Variants in ZNF667 observed in about 807,000 individuals in gnomAD.
The protein encoded by ZNF667 is zinc finger protein 667, also known as myocardial ischemic preconditioning upregulated 1 ortholog.
In ZNF667, 13 loss-of-function variants were observed where a neutral mutation model predicts 31.8. The observed-to-expected ratio is 0.41, with a 90% CI of 0.27 to 0.65. The LOEUF is 0.65. Ranked by LOEUF, ZNF667 falls within the 30% of genes least tolerant of loss-of-function variation. ZNF667 has a pLI of 0.32. For missense variants in ZNF667, 642 were observed against 725.6 expected, an observed-to-expected ratio of 0.88 and a Z score of 1.32; for synonymous variants, 228 against 247.1, an observed-to-expected ratio of 0.92 and a Z score of 0.73.
chr19:56,446,545 C>A (rs1344424766), intron 6 of ZNF667, among the ~76,000 whole-genome samples: 1 of 152,174 alleles, frequency 6.6e-6, no homozygotes, highest in Non-Finnish European at 1.5e-5. Flanking sequence ...TGTTATGCCA[C>A]ACATAGTATA....
At chr19:56,476,472 A>T (rs2043409755) in intron 1 of ZNF667, among the ~76,000 whole-genome samples, 2 of 152,082 alleles carry the variant, frequency 1.3e-5, no homozygotes, top group Admixed American at 1.3e-4. Context: ...TCAAAGAAAA[A>T]CGACCACCAG....
In ZNF667 at chr19:56,462,345, T is replaced by C. The variant is rs2043062747; in HGVS notation, c.26A>G (p.Lys9Arg). ...AGAGGAATTGCCACTTACCTTGGAT[T>C]TGGATTTCCCCCGTGCAGAAGGCAT... is the stretch of plus-strand genomic sequence containing the variant. MPSARGKS[K>R]SKAPITFGDL... The change falls in exon 4 of 7, where the codon AAA becomes AGA. Residue 9 changes from lysine to arginine, a missense_variant. Transcript: ENST00000504904. The C allele has an allele frequency of 6.2e-7, 1 of 1,614,170 alleles. No individual in the cohort carries two copies. Among genetic ancestry groups the C allele is most frequent in the Admixed American group, 1.7e-5 (1 of 60,028 alleles).
rs2042595893 is a variant in ZNF667, at chr19:56,441,321, A to G, written c.1674T>C (p.Asn558=). The G allele has an allele frequency of 6.2e-7, 1 of 1,614,126 alleles. No homozygotes were observed. The highest frequency in any genetic ancestry group is 8.5e-7 in the Non-Finnish European group (1 of 1,180,016). Residue 558 remains asparagine, a synonymous_variant, in exon 7 of 7, where the codon AAT becomes AAC. Coordinates refer to ENST00000504904, the MANE Select transcript of ZNF667 (RefSeq NM_001321356.2). This position sits in a 1 kb window ranked among gnomAD's most constrained non-coding sequence, Gnocchi z 4.2. The stretch of plus-strand genomic sequence containing the variant: ...CACTGCTAAATGCCTTCCCACATTC[A>G]TTACATTCATAGGGTTTCTCTCCAG... ...SHTGEKPYEC[N]ECGKAFSSGS...
intron 6 of ZNF667, among the ~76,000 whole-genome samples, chr19:56,443,151 CA>C (rs2042652766): frequency 6.6e-6 from 1 of 152,038 alleles, no homozygotes; most frequent in African/African-American, 2.4e-5. Context: ...AAGAATCTTA[CA>C]GGGGTGATAA....
Position 56,442,746 on chromosome 19 carries a change from A to G in ZNF667, c.254-5T>C, listed in dbSNP as rs745700292. 1 of 1,546,316 alleles carries G rather than the reference A, an allele frequency of 6.5e-7. No homozygotes were observed. On this transcript the variant is annotated splice_region_variant and splice_polypyrimidine_tract_variant and intron_variant, in intron 6 of 6. Coordinates refer to ENST00000504904, the MANE Select transcript of ZNF667 (RefSeq NM_001321356.2). ...TCTCACATTTAGACCCCGAGTCTGA[A>G]AGACATAAAGGAATTAAATGTTTCT...
chr19:56,470,058 GT>G (rs1409551578), intron 3 of ZNF667: 1 of 456,792 alleles, frequency 2.2e-6, no homozygotes, highest in Non-Finnish European at 4.4e-6. Flanking sequence ...GTTCTCATGT[GT>G]GCAGCTGTGT....
chr19:56,455,225 G>A (rs1260595236), intron 6 of ZNF667, among the ~76,000 whole-genome samples: 2 of 152,178 alleles, frequency 1.3e-5, no homozygotes, highest in Non-Finnish European at 2.9e-5. Context: ...CTGTGGGAAT[G>A]TAAATTAGTA....
intron 6 of ZNF667, chr19:56,449,202 A>C (rs1029705333): frequency 1.0e-5 from 4 of 385,860 alleles, no homozygotes; most frequent in African/African-American, 2.1e-5. Flanking sequence ...TAGTACAAAC[A>C]AGCCCAGACT....
chr19:56,465,819 G>A (rs2043147232), intron 3 of ZNF667, among the ~76,000 whole-genome samples: 1 of 152,080 alleles, frequency 6.6e-6, no homozygotes, highest in South Asian at 2.1e-4. Flanking sequence ...GTCAGCCCCA[G>A]GCTGGCGTCT....
At position 56,441,239 on chromosome 19, in the gene ZNF667, T is replaced by C; in HGVS notation, c.1756A>G (p.Ser586Gly). The C allele has an allele frequency of 6.2e-7, 1 of 1,614,142 alleles. No individual in the cohort carries two copies. Among genetic ancestry groups the C allele is most frequent in the Non-Finnish European group, 8.5e-7 (1 of 1,179,974 alleles). Residue 586 changes from serine (S) to glycine (G), a missense_variant, in exon 7 of 7, where the codon AGT becomes GGT. Coordinates refer to ENST00000504904, the MANE Select transcript of ZNF667 (RefSeq NM_001321356.2). This position sits in a 1 kb window ranked among gnomAD's most constrained non-coding sequence, Gnocchi z 4.2. Reference protein sequence around the residue: ...SHSSEKPYECSKCGKAYSRSS... With the variant: ...SHSSEKPYECGKCGKAYSRSS... ...CGACTATATGCCTTCCCACATTTAC[T>C]ACATTCATAGGGTTTCTCTGAAGAA...
chr19:56,448,638 TAA>T (rs34255832), intron 6 of ZNF667, among the ~76,000 whole-genome samples: 9 of 148,814 alleles, frequency 6.0e-5, no homozygotes, highest in South Asian at 2.1e-4. Context: ...TCAACCACAG[TAA>T]AAAAAAAAAA....
At chr19:56,469,516 G>T (rs1278009733) in intron 3 of ZNF667, among the ~76,000 whole-genome samples, 1 of 152,056 alleles carries the variant, frequency 6.6e-6, no homozygotes, top group Non-Finnish European at 1.5e-5. Flanking sequence ...ATCACGTTTG[G>T]GTCCTACACC....
Position 56,442,499 on chromosome 19 carries a change from G to C in ZNF667, c.496C>G (p.His166Asp). ...CATTCAAAAGGCTTCTCTCCTGTAT[G>C]AATGTTCTGATGAAGTTTAAGAGAG... ...SFSLKLHQNI[H>D]TGEKPFECSN... The change falls in exon 7 of 7, where the codon CAT becomes GAT. Residue 166 changes from histidine (H) to aspartate (D), a missense_variant. His to Asp is a moderately conservative substitution (Grantham distance 81). Coordinates refer to ENST00000504904, the MANE Select transcript of ZNF667 (RefSeq NM_001321356.2). 1 of 1,613,618 alleles carries C rather than the reference G, an allele frequency of 6.2e-7. No homozygotes were observed. The highest frequency in any genetic ancestry group is 1.1e-5 in the South Asian group (1 of 91,048).
chr19:56,464,648 A>G (rs1204985181), intron 3 of ZNF667, among the ~76,000 whole-genome samples: 1 of 152,094 alleles, frequency 6.6e-6, no homozygotes, highest in African/African-American at 2.4e-5. Flanking sequence ...GTATTGCCCC[A>G]TTTTCCACAT....
intron 6 of ZNF667, among the ~76,000 whole-genome samples, chr19:56,448,877 G>A (rs575922205): frequency 2.6e-5 from 4 of 152,122 alleles, no homozygotes; most frequent in South Asian, 4.1e-4. Context: ...CGCTGGCTTC[G>A]GGTCAGACCC....
chr19:56,460,378 T>C (rs2043020061), intron 5 of ZNF667, among the ~76,000 whole-genome samples: 1 of 152,140 alleles, frequency 6.6e-6, no homozygotes, highest in African/African-American at 2.4e-5. Context: ...AGTGGACTAG[T>C]AGTTGCTGAA....
intron 4 of ZNF667, 71 bp downstream of exon 4, chr19:56,462,267 A>G: frequency 1.9e-6 from 3 of 1,588,684 alleles, no homozygotes; most frequent in East Asian, 2.2e-5. Context: ...TCTCCATGGA[A>G]GGAAAGCAAA....
At chr19:56,467,487 G>A (rs535972970) in intron 3 of ZNF667, among the ~76,000 whole-genome samples, 17 of 152,188 alleles carry the variant, frequency 1.1e-4, no homozygotes, top group African/African-American at 2.9e-4. Flanking sequence ...TTTCTGCAGC[G>A]GCCCCAGCTG....
chr19:56,458,275 A>G, intron 5 of ZNF667, 28 bp from the exon 6 acceptor site: 1 of 1,604,926 alleles, frequency 6.2e-7, no homozygotes. Flanking sequence ...ATGGGAAATG[A>G]TCATAAATGT....
Sources: allele counts gnomAD v4.1 joint callset (sites outside exome capture counted in the v4.1 genomes callset), GRCh38; gene constraint gnomAD v4.1.1; non-coding constraint Gnocchi (gnomAD v3.1); transcripts MANE v1.5; gene names NCBI Gene and HGNC (gene_info 2026-07-23, HGNC 2026-07-21).